Variants in EPS15L1 observed in about 807,000 individuals in gnomAD.
The protein encoded by EPS15L1 is epidermal growth factor receptor substrate 15-like 1.
EPS15L1 carries 43 observed loss-of-function variants against 117.1 expected under a neutral mutation model. The observed-to-expected ratio is 0.37, with a 90% CI of 0.29 to 0.47. The LOEUF is 0.47. Ranked by LOEUF, EPS15L1 falls within the 20% of genes least tolerant of loss-of-function variation. The probability of loss-of-function intolerance (pLI) is 0.99; values close to 1 mark genes in which losing one functional copy is unlikely to be tolerated. For missense variants in EPS15L1, 981 were observed against 1,164.0 expected (o/e 0.84, Z 2.29); for synonymous variants, 459 against 470.5 (o/e 0.98, Z 0.32).
intron 6 of EPS15L1, among the ~76,000 whole-genome samples, chr19:16,435,891 C>T (rs1417243688): frequency 6.6e-6 from 1 of 152,196 alleles, no homozygotes; most frequent in East Asian, 1.9e-4. Context: ...CCCAGCTCTT[C>T]CAGTGAGGCC....
At chr19:16,427,187 G>A (rs921642743) in intron 8 of EPS15L1, among the ~76,000 whole-genome samples, 1 of 152,292 alleles carries the variant, frequency 6.6e-6, no homozygotes, top group Non-Finnish European at 1.5e-5. Context: ...TTCTGTCGGA[G>A]GCCAAGGGGG....
intron 1 of EPS15L1, among the ~76,000 whole-genome samples, chr19:16,442,648 C>T (rs777141229): frequency 2.0e-5 from 3 of 152,158 alleles, no homozygotes; most frequent in African/African-American, 7.2e-5. Flanking sequence ...TGCAAGCTTT[C>T]GACCAGTTTC....
In EPS15L1 at chr19:16,421,304, C is replaced by A; in HGVS notation, c.950+15G>T. ...GAGCCACCCACAGCCACAACTGCCA[C>A]CTGTCCGGCCTTACCATATGTGTGC... On this transcript the variant is annotated intron_variant, in intron 10 of 23. Transcript: ENST00000455140. 6.3e-7 allele frequency: 1 copy of A among 1,588,790 alleles called. No individual in the cohort carries two copies.
At chr19:16,450,171 C>G (rs1404757073) in intron 1 of EPS15L1, among the ~76,000 whole-genome samples, 1 of 151,984 alleles carries the variant, frequency 6.6e-6, no homozygotes, top group African/African-American at 2.4e-5. Flanking sequence ...TACCTGAGCC[C>G]AGGAGTTCAA....
At chr19:16,407,684 C>T (rs1032292903) in intron 13 of EPS15L1, among the ~76,000 whole-genome samples, 1 of 152,168 alleles carries the variant, frequency 6.6e-6, no homozygotes, top group African/African-American at 2.4e-5. Flanking sequence ...ATCAATAAAG[C>T]TGAAATACAC....
Position 16,355,720 on chromosome 19 carries a change from G to A in EPS15L1, c.2718C>T (p.Asp906=). The change falls in exon 24 of 24, where the codon GAC becomes GAT. Residue 906 remains aspartate, a synonymous_variant. Coordinates refer to ENST00000455140, the MANE Select transcript of EPS15L1 (RefSeq NM_001258374.3). ...LELAIALSKA[D]MPAA is the part of the protein sequence containing the mutation. ...CGGCCCTCGCCTAGGCGGCAGGCAT[G>A]TCAGCCTTGCTGAGCGCGATGGCCA... 1.3e-6 allele frequency: 2 copies of A among 1,535,844 alleles called. No homozygotes were observed. The highest frequency in any genetic ancestry group is 1.2e-5 in the South Asian group (1 of 84,032).
chr19:16,409,829 T>C (rs1218535333), intron 13 of EPS15L1, among the ~76,000 whole-genome samples: 1 of 151,280 alleles, frequency 6.6e-6, no homozygotes, highest in Non-Finnish European at 1.5e-5. Context: ...TCCCAGCTAC[T>C]TGGGAGGCTA....
At position 16,403,895 on chromosome 19, in the gene EPS15L1, T is replaced by C; in HGVS notation, c.1464A>G (p.Glu488=). Reference sequence around the variant, plus strand: ...CGTCTTCCTGGGACTTTAAGTCAGATTCCTGAGATTGGATTTGCGTTTTCA... The same window carrying C: ...CGTCTTCCTGGGACTTTAAGTCAGACTCCTGAGATTGGATTTGCGTTTTCA... ...SSLKTQIQSQ[E]SDLKSQEDDL... The change falls in exon 15 of 24, where the codon GAA becomes GAG. Residue 488 remains glutamate, a synonymous_variant. Coordinates refer to ENST00000455140, the MANE Select transcript of EPS15L1 (RefSeq NM_001258374.3). 2 of 1,614,138 alleles carry C rather than the reference T, an allele frequency of 1.2e-6. No individual in the cohort carries two copies. The highest frequency in any genetic ancestry group is 1.1e-5 in the South Asian group (1 of 91,080).
intron 23 of EPS15L1, chr19:16,356,381 G>A (rs565051806): frequency 5.8e-5 from 9 of 154,110 alleles, no homozygotes; most frequent in Non-Finnish European, 1.0e-4. Context: ...GCGCGATCTC[G>A]GCTCATTGCA....
chr19:16,361,767 G>A lies in EPS15L1; in HGVS notation c.2586+12C>T. 1 of 1,610,134 alleles carries A rather than the reference G, an allele frequency of 6.2e-7. No homozygotes were observed. Among genetic ancestry groups the A allele is most frequent in the Non-Finnish European group, 8.5e-7 (1 of 1,178,256 alleles). ...GGAGTGGGGTGGCCCGGAGGCGGAG[G>A]ACTCAACTTACAGAGGTGAAGTCTG... On this transcript the variant is annotated intron_variant, in intron 23 of 23. Coordinates refer to ENST00000455140, the MANE Select transcript of EPS15L1 (RefSeq NM_001258374.3).
chr19:16,445,260 A>AT (rs1444470686), intron 1 of EPS15L1, among the ~76,000 whole-genome samples: 1 of 152,150 alleles, frequency 6.6e-6, no homozygotes, highest in East Asian at 1.9e-4. Flanking sequence ...CATCCATGCT[A>AT]AAGGCTCATC....
At position 16,355,603 on chromosome 19, in the gene EPS15L1, T is replaced by G. The variant is rs2091969804; in HGVS notation, c.*102A>C. The G allele has an allele frequency of 7.2e-7, 1 of 1,390,594 alleles. No homozygotes were observed. Among genetic ancestry groups the G allele is most frequent in the Non-Finnish European group, 9.6e-7 (1 of 1,041,544 alleles). 86.1% of individuals were successfully genotyped at this position (1,390,594 alleles called of 1,614,324 possible). A position where few individuals can be genotyped will look rare whatever the true frequency, so the allele number is the denominator to read the frequency against. ...GAACAAGCCCCCGAGTCCCGGTCCT[T>G]GGAGTACGGTGGCGACGGTGTGTGT... On this transcript the variant is annotated 3_prime_UTR_variant, in exon 24 of 24. Coordinates refer to ENST00000455140, the MANE Select transcript of EPS15L1 (RefSeq NM_001258374.3).
At chr19:16,393,690 TA>T (rs1207030596) in intron 18 of EPS15L1, among the ~76,000 whole-genome samples, 5 of 149,094 alleles carry the variant, frequency 3.4e-5, no homozygotes, top group African/African-American at 1.2e-4. Context: ...AATAAATAAA[TA>T]AAATAAATAA....
At chr19:16,454,963 C>T (rs1450823509) in intron 1 of EPS15L1, among the ~76,000 whole-genome samples, 1 of 151,984 alleles carries the variant, frequency 6.6e-6, no homozygotes, top group Non-Finnish European at 1.5e-5. Context: ...AAGCCTGTCT[C>T]TACTAAAAAT....
intron 13 of EPS15L1, among the ~76,000 whole-genome samples, chr19:16,407,848 C>T (rs1160523756): frequency 3.9e-5 from 6 of 152,180 alleles, no homozygotes; most frequent in Non-Finnish European, 7.3e-5. Flanking sequence ...ACCCCTGTGA[C>T]GTGACAACTC....
Position 16,441,998 on chromosome 19 carries a change from A to G in EPS15L1, c.76-17T>C. On this transcript the variant is annotated splice_polypyrimidine_tract_variant and intron_variant, in intron 2 of 23. Coordinates refer to ENST00000455140, the MANE Select transcript of EPS15L1 (RefSeq NM_001258374.3). ...CGGATCGACCTGAAATGGGAGACCAAGAGGCAAAATAACTTTTCAGCAAAT... is the reference window on the plus strand; with the variant it reads ...CGGATCGACCTGAAATGGGAGACCAGGAGGCAAAATAACTTTTCAGCAAAT... 4.4e-6 allele frequency: 7 copies of G among 1,604,744 alleles called. No individual in the cohort carries two copies. The highest frequency in any genetic ancestry group is 6.0e-6 in the Non-Finnish European group (7 of 1,174,402).
chr19:16,443,918 G>A lies in EPS15L1; in HGVS notation c.34-1699C>T, dbSNP rs186876624. 2.0e-5 allele frequency among the ~76,000 whole-genome samples: 3 copies of A among 151,560 alleles called. No homozygotes were observed. In the South Asian group the frequency reaches 6.3e-4, roughly 32 times the overall value. ...TCTCTACTAAAAATACAGAAAATTA[G>A]TCAGGTGTGGTGGTGTGCGCCTGTA... On this transcript the variant is annotated intron_variant, in intron 1 of 23. Coordinates refer to ENST00000455140, the MANE Select transcript of EPS15L1 (RefSeq NM_001258374.3).
At position 16,404,215 on chromosome 19, in the gene EPS15L1, T is replaced by A. The variant is rs560792672; in HGVS notation, c.1429-285A>T. Among the ~76,000 whole-genome samples, 2 of 152,298 alleles carry A rather than the reference T, an allele frequency of 1.3e-5. No individual in the cohort carries two copies. The highest frequency in any genetic ancestry group is 3.9e-4 in the East Asian group (2 of 5,182). ...ACAATCTGTCCATCCCCCCAGAGGC[T>A]GAACGTCATAGAGTTTTCTGAGGTT... On this transcript the variant is annotated intron_variant, in intron 14 of 23. Transcript: ENST00000455140. The surrounding 1 kb of genome is among the most constrained non-coding windows in gnomAD (Gnocchi z 4.2).
intron 7 of EPS15L1, among the ~76,000 whole-genome samples, chr19:16,430,888 G>C (rs916642654): frequency 2.6e-5 from 4 of 152,236 alleles, no homozygotes; most frequent in Admixed American, 2.6e-4. Context: ...ACACACAGAT[G>C]AATGGATCAT....
Sources: gnomAD v4.1 joint callset for allele counts (sites outside exome capture counted in the v4.1 genomes callset) on GRCh38, gnomAD v4.1.1 for gene constraint, Gnocchi (gnomAD v3.1) non-coding constraint, MANE v1.5 for transcripts, NCBI Gene and HGNC (gene_info 2026-07-23, HGNC 2026-07-21) for gene names.